The following TNS4 variants were observed in gnomAD, a reference collection of about 807,000 sequenced individuals.
TNS4 encodes the protein tensin 4, also known as tensin-4.
Under a neutral mutation model 70.4 loss-of-function variants are expected in TNS4, and 46 were observed. That is an observed-to-expected ratio of 0.65 (90% CI 0.52 to 0.84). TNS4 has a LOEUF of 0.84. Among genes scored for constraint, TNS4 ranks in the 40% least tolerant of loss-of-function variants. The pLI, the probability that TNS4 is intolerant of heterozygous loss-of-function variation, is 0.00. For missense variants in TNS4, 863 were observed against 907.0 expected, an observed-to-expected ratio of 0.95 and a Z score of 0.62; for synonymous variants, 390 against 366.6, an observed-to-expected ratio of 1.06 and a Z score of -0.73.
Position 40,480,713 on chromosome 17 carries a change from C to T in TNS4, c.1728G>A (p.Gln576=), listed in dbSNP as rs2035910716. The change falls in exon 9 of 13, where the codon CAG becomes CAA. Residue 576 remains glutamine, a synonymous_variant. Transcript: ENST00000254051. ...SDSTDSPASC[Q]KKSAGCHTLY... ...TGTACCACTCACCCGCAGATTTCTTCTGGCAGGAGGCTGGGCTGTCTGTAG... is the reference window on the plus strand; with the variant it reads ...TGTACCACTCACCCGCAGATTTCTTTTGGCAGGAGGCTGGGCTGTCTGTAG... The T allele has an allele frequency of 2.6e-6, 4 of 1,565,684 alleles. No individual in the cohort carries two copies. The highest frequency in any genetic ancestry group is 3.4e-6 in the Non-Finnish European group (4 of 1,160,318).
chr17:40,494,729 C>CAA (rs5820349), intron 2 of TNS4, among the ~76,000 whole-genome samples: 7 of 106,156 alleles, frequency 6.6e-5, no homozygotes, highest in African/African-American at 2.5e-4. Flanking sequence ...GACTCCATTG[C>CAA]AAAAAAAAAA....
chr17:40,492,748 C>A (rs2036090844), intron 2 of TNS4, among the ~76,000 whole-genome samples: 4 of 151,682 alleles, frequency 2.6e-5, no homozygotes, highest in African/African-American at 2.4e-5. Context: ...TAAAAATTAG[C>A]CAGGTTGGCA....
chr17:40,490,748 G>A (rs2036058071), intron 2 of TNS4, among the ~76,000 whole-genome samples: 1 of 152,210 alleles, frequency 6.6e-6, no homozygotes, highest in African/African-American at 2.4e-5. Context: ...AAACAAACCT[G>A]GGGTGAGTCC....
chr17:40,490,408 G>A (rs1367759821), intron 2 of TNS4, among the ~76,000 whole-genome samples: 1 of 152,256 alleles, frequency 6.6e-6, no homozygotes. Context: ...GAAGGTGGGG[G>A]TTAATGAGCC....
intron 6 of TNS4, among the ~76,000 whole-genome samples, chr17:40,483,182 G>C (rs2035949195): frequency 6.6e-6 from 1 of 152,026 alleles, no homozygotes; most frequent in Admixed American, 6.5e-5. Flanking sequence ...AGCTCAAGCA[G>C]TTCTCCTGCT....
At position 40,489,235 on chromosome 17, in the gene TNS4, C is replaced by CTTAT. The variant is rs546638557; in HGVS notation, c.440-270_440-267dup. On this transcript the variant is annotated intron_variant, in intron 2 of 12. Coordinates refer to ENST00000254051, the MANE Select transcript of TNS4 (RefSeq NM_032865.6). ...CCAGGCTTCAGATCTGGCTCTGCCA[C>CTTAT]TTATTTTCTGAGAGAGTTTGGCCAA... is the stretch of plus-strand genomic sequence containing the variant. Among the ~76,000 whole-genome samples the CTTAT allele has an allele frequency of 3.2e-4, 48 of 152,252 alleles. No individual in the cohort carries two copies. In the East Asian group the frequency reaches 9.1e-3, roughly 29 times the overall value.
At chr17:40,482,956 T>G (rs1393040789) in intron 6 of TNS4, among the ~76,000 whole-genome samples, 1 of 151,274 alleles carries the variant, frequency 6.6e-6, no homozygotes, top group African/African-American at 2.4e-5. Flanking sequence ...ATCAGGGATT[T>G]TTTTTTTTTT....
chr17:40,478,244 C>T, intron 12 of TNS4, 63 bp downstream of exon 12: 2 of 1,601,366 alleles, frequency 1.2e-6, no homozygotes, highest in African/African-American at 1.3e-5. Flanking sequence ...AGAATGGTGC[C>T]TCTTTCCTTC....
Position 40,487,087 on chromosome 17 carries a change from T to A in TNS4, c.1237A>T (p.Arg413Trp), listed in dbSNP as rs1395210705. 6 of 1,614,254 alleles carry A rather than the reference T, an allele frequency of 3.7e-6. No individual in the cohort carries two copies. The highest frequency in any genetic ancestry group is 5.1e-6 in the Non-Finnish European group (6 of 1,180,044). ...TCTGACAGGGTCTGGCTGTTGCTCC[T>A]GGTGGCTGGACAGGGGTTGCTGGGA... Reference protein sequence around the residue: ...ASPSNPCPATRSNSQTLSDAP... With the variant: ...ASPSNPCPATWSNSQTLSDAP... Residue 413 changes from arginine (R) to tryptophan (W), a missense_variant, in exon 4 of 13, where the codon AGG (arginine) becomes TGG (tryptophan). Arg to Trp is a moderately radical substitution (Grantham distance 101). Transcript: ENST00000254051.
intron 1 of TNS4, among the ~76,000 whole-genome samples, chr17:40,500,390 C>T (rs1260424551): frequency 2.0e-5 from 3 of 152,212 alleles, no homozygotes; most frequent in African/African-American, 7.2e-5. Context: ...GCCCCCTTCG[C>T]GGCCCCGCAC....
At chr17:40,495,755 A>T (rs2036134382) in intron 2 of TNS4, among the ~76,000 whole-genome samples, 1 of 152,174 alleles carries the variant, frequency 6.6e-6, no homozygotes, top group Non-Finnish European at 1.5e-5. Context: ...ATCATAGAAA[A>T]TCAGTATCTA....
intron 5 of TNS4, 55 bp downstream of exon 5, chr17:40,484,866 G>C (rs1314689609): frequency 1.2e-5 from 19 of 1,587,818 alleles, no homozygotes; most frequent in Non-Finnish European, 1.6e-5. Flanking sequence ...GGCCCTGCCT[G>C]ATGCAAAGTG....
intron 11 of TNS4, 92 bp from the exon 12 acceptor site, chr17:40,478,425 A>T: frequency 7.3e-7 from 1 of 1,377,718 alleles, no homozygotes; most frequent in Non-Finnish European, 9.9e-7. Context: ...CTGCGTCCCC[A>T]CCCCACCATG....
chr17:40,476,630 C>T lies in TNS4; in HGVS notation c.*958G>A, dbSNP rs144198311. The T allele has an allele frequency of 0.092, 13,927 of 152,000 alleles. 628 individuals carry two copies. The highest frequency in any genetic ancestry group is 0.17 in the Middle Eastern group (49 of 292). The allele number at this position is 152,000 out of a possible 1,614,324, so 9.4% of individuals were successfully genotyped here. The stretch of plus-strand genomic sequence containing the variant: ...CTGTAATCCCAGCACTTTGGGAGGC[C>T]GAAGCAGGTGGATTACCTGCGGTCA... On this transcript the variant is annotated 3_prime_UTR_variant, in exon 13 of 13. Transcript: ENST00000254051.
intron 12 of TNS4, 43 bp from the exon 13 acceptor site, chr17:40,477,772 A>G (rs773559498): frequency 6.3e-7 from 1 of 1,584,674 alleles, no homozygotes; most frequent in Admixed American, 1.7e-5. Flanking sequence ...GGACCCAGGG[A>G]GGCATCAGGC....
At chr17:40,495,874 G>T in intron 2 of TNS4, 113 bp downstream of exon 2, 1 of 1,216,122 alleles carries the variant, frequency 8.2e-7, no homozygotes, top group South Asian at 1.6e-5. Flanking sequence ...GGTTAGGTTT[G>T]CACAGCACCT....
At chr17:40,480,105 AGAGG>A in intron 9 of TNS4, 1 of 457,198 alleles carries the variant, frequency 2.2e-6, no homozygotes. Context: ...CCCTGTGTGT[AGAGG>A]TGCCCAGGAA....
intron 12 of TNS4, 152 bp from the exon 13 acceptor site, chr17:40,477,881 C>T (rs532380101): frequency 7.1e-4 from 491 of 689,426 alleles, no homozygotes; most frequent in Non-Finnish European, 8.5e-4. Context: ...TGGTGGGGCT[C>T]CCTGGGGAAG....
At chr17:40,482,037 T>C in intron 8 of TNS4, 92 bp downstream of exon 8, 1 of 1,413,736 alleles carries the variant, frequency 7.1e-7, no homozygotes, top group Non-Finnish European at 9.7e-7. Context: ...GACACTAAAA[T>C]AATCCACCAA....
Sources: gnomAD v4.1 joint callset for allele counts (sites outside exome capture counted in the v4.1 genomes callset) on GRCh38, gnomAD v4.1.1 for gene constraint, MANE v1.5 for transcripts, NCBI Gene and HGNC (gene_info 2026-07-23, HGNC 2026-07-21) for gene names.